Variants in NHEJ1 observed in about 807,000 individuals in gnomAD.
NHEJ1 encodes the protein non-homologous end-joining factor 1.
In NHEJ1, 22 loss-of-function variants were observed where a neutral mutation model predicts 39.4. That is an observed-to-expected ratio of 0.56 (90% CI 0.40 to 0.80). The LOEUF is 0.80. Among genes scored for constraint, NHEJ1 ranks in the 30% least tolerant of loss-of-function variants. NHEJ1 has a pLI of 0.00. For missense variants in NHEJ1, 329 were observed against 357.1 expected, an observed-to-expected ratio of 0.92 and a Z score of 0.63; for synonymous variants, 154 against 135.6, an observed-to-expected ratio of 1.14 and a Z score of -0.94.
intron 5 of NHEJ1, among the ~76,000 whole-genome samples, chr2:219,134,237 G>A (rs544583741): frequency 5.9e-5 from 9 of 152,284 alleles, no homozygotes; most frequent in African/African-American, 1.4e-4. Flanking sequence ...CCTTGGTGAC[G>A]GAAATAGCAC....
chr2:219,110,658 G>A (rs369924801), intron 5 of NHEJ1, among the ~76,000 whole-genome samples: 8 of 151,968 alleles, frequency 5.3e-5, no homozygotes, highest in East Asian at 1.9e-4. Flanking sequence ...TGGGGTGGCC[G>A]GGAAGTCCTC....
intron 5 of NHEJ1, among the ~76,000 whole-genome samples, chr2:219,082,739 C>T (rs1459397381): frequency 6.6e-6 from 1 of 152,216 alleles, no homozygotes; most frequent in East Asian, 1.9e-4. Context: ...GCCCCTCGCA[C>T]TGACCATCAC....
At position 219,076,328 on chromosome 2, in the gene NHEJ1, A is replaced by AGGAC; in HGVS notation, c.*52_*53insGTCC. On this transcript the variant is annotated 3_prime_UTR_variant, in exon 8 of 8. Coordinates refer to ENST00000356853, the MANE Select transcript of NHEJ1 (RefSeq NM_024782.3). ...TGCCATGTAAGCTTCTTTCAAGGTG[A>AGGAC]AGCTTGGAAGCTGTTCTCCAAGTCC... The AGGAC allele has an allele frequency of 6.2e-7, 1 of 1,614,056 alleles. No individual in the cohort carries two copies. The highest frequency in any genetic ancestry group is 1.1e-5 in the South Asian group (1 of 91,068).
chr2:219,069,357 T>A lies in NHEJ1; in HGVS notation c.*7024A>T, dbSNP rs750071641. 1 of 152,256 alleles carries A rather than the reference T, an allele frequency of 6.6e-6. No homozygotes were observed. The highest frequency in any genetic ancestry group is 1.5e-5 in the Non-Finnish European group (1 of 68,054). The allele number at this position is 152,256 out of a possible 1,614,324, so 9.4% of individuals were successfully genotyped here. On this transcript the variant is annotated 3_prime_UTR_variant, in exon 8 of 8. Transcript: ENST00000356853. ...GATTGACAAATGAAAATAGCAGAAC[T>A]GTGCCAAACGAAACGATTTAATCTG...
chr2:219,155,314 C>T, intron 3 of NHEJ1, among the ~76,000 whole-genome samples: 1 of 151,970 alleles, frequency 6.6e-6, no homozygotes, highest in East Asian at 1.9e-4. Flanking sequence ...CTTGTAATCC[C>T]AACACCTTGG....
chr2:219,081,033 C>T (rs1474875922), intron 5 of NHEJ1, among the ~76,000 whole-genome samples: 4 of 152,174 alleles, frequency 2.6e-5, no homozygotes, highest in African/African-American at 9.7e-5. Context: ...TCACAACCTG[C>T]AATCCTTCAC....
At chr2:219,129,612 TC>T (rs1484343585) in intron 5 of NHEJ1, among the ~76,000 whole-genome samples, 1 of 151,954 alleles carries the variant, frequency 6.6e-6, no homozygotes, top group Admixed American at 6.6e-5. Flanking sequence ...GGGGCGGGAC[TC>T]CCCCCACTCC....
At chr2:219,159,985 C>G (rs1949914426) in intron 1 of NHEJ1, among the ~76,000 whole-genome samples, 1 of 152,106 alleles carries the variant, frequency 6.6e-6, no homozygotes, top group South Asian at 2.1e-4. Flanking sequence ...ATAAAAAGGC[C>G]TGACACATTG....
chr2:219,122,017 T>C (rs963555844), intron 5 of NHEJ1, among the ~76,000 whole-genome samples: 1 of 152,038 alleles, frequency 6.6e-6, no homozygotes, highest in East Asian at 1.9e-4. Context: ...GTTAAATCTT[T>C]CAAGAAAAAA....
chr2:219,103,703 T>C (rs1474090469), intron 5 of NHEJ1, among the ~76,000 whole-genome samples: 2 of 152,220 alleles, frequency 1.3e-5, no homozygotes, highest in East Asian at 1.9e-4. Context: ...CTCAAGTATA[T>C]CTCATTGAGC....
chr2:219,081,659 A>G (rs531605775), intron 5 of NHEJ1, among the ~76,000 whole-genome samples: 1 of 152,314 alleles, frequency 6.6e-6, no homozygotes, highest in East Asian at 1.9e-4. Flanking sequence ...AAGAGTTCAT[A>G]TTTGCATGTG....
intron 5 of NHEJ1, among the ~76,000 whole-genome samples, chr2:219,116,277 TTC>T (rs1437930674): frequency 6.6e-6 from 1 of 152,182 alleles, no homozygotes; most frequent in African/African-American, 2.4e-5. Context: ...ATTTCTTGAT[TTC>T]TTTTTTCTTT....
intron 5 of NHEJ1, among the ~76,000 whole-genome samples, chr2:219,131,513 G>A (rs903478872): frequency 1.3e-5 from 2 of 152,110 alleles, no homozygotes; most frequent in Admixed American, 6.5e-5. Context: ...GGCAAAAATC[G>A]GCAAATAGCT....
At chr2:219,131,737 T>G (rs1304086770) in intron 5 of NHEJ1, among the ~76,000 whole-genome samples, 2 of 152,228 alleles carry the variant, frequency 1.3e-5, no homozygotes, top group Non-Finnish European at 2.9e-5. Context: ...TGTAAGAGTC[T>G]AGAGGTGTAC....
intron 5 of NHEJ1, among the ~76,000 whole-genome samples, chr2:219,141,453 A>C (rs1474653054): frequency 6.6e-6 from 1 of 151,990 alleles, no homozygotes; most frequent in Middle Eastern, 3.2e-3. Context: ...GGGAGGTAGA[A>C]TAGAGAAGAT....
chr2:219,130,504 G>C (rs923788726), intron 5 of NHEJ1, among the ~76,000 whole-genome samples: 8 of 19,054 alleles, frequency 4.2e-4, no homozygotes, highest in African/African-American at 4.8e-4. Flanking sequence ...AAACAGAGCG[G>C]TAAATAGGGC....
intron 3 of NHEJ1, among the ~76,000 whole-genome samples, chr2:219,150,033 G>C (rs180760153): frequency 5.6e-4 from 85 of 152,352 alleles, no homozygotes; most frequent in Admixed American, 3.0e-3. Flanking sequence ...AAAGGTACTA[G>C]AGTATCCCAT....
intron 5 of NHEJ1, among the ~76,000 whole-genome samples, chr2:219,115,429 C>G (rs562444031): frequency 6.6e-6 from 1 of 152,036 alleles, no homozygotes; most frequent in South Asian, 2.1e-4. Flanking sequence ...TGGTGAGAGA[C>G]GGTAGAGGGG....
intron 5 of NHEJ1, among the ~76,000 whole-genome samples, chr2:219,126,332 C>T (rs767618910): frequency 3.3e-5 from 5 of 152,192 alleles, no homozygotes; most frequent in Non-Finnish European, 5.9e-5. Context: ...AACTCGAGGC[C>T]GTTCAATTTC....
Sources: allele counts gnomAD v4.1 joint callset (sites outside exome capture counted in the v4.1 genomes callset), GRCh38; gene constraint gnomAD v4.1.1; transcripts MANE v1.5; gene names NCBI Gene and HGNC (gene_info 2026-07-23, HGNC 2026-07-21).